MYO1B: variants seen among roughly 807,000 people sequenced by gnomAD.
MYO1B encodes the protein unconventional myosin-Ib.
MYO1B carries 72 observed loss-of-function variants against 159.7 expected under a neutral mutation model. The observed-to-expected ratio is 0.45, with a 90% CI of 0.37 to 0.55. The LOEUF (loss-of-function observed/expected upper bound fraction) is 0.55. MYO1B is among the 20% of genes least tolerant of loss of function. The pLI is 0.00. For missense variants in MYO1B, 1,062 were observed against 1,364.8 expected (o/e 0.78, Z 3.50); for synonymous variants, 468 against 473.8 (o/e 0.99, Z 0.16).
Position 191,402,694 on chromosome 2 carries a change from T to A in MYO1B, c.2532T>A (p.Ile844=), listed in dbSNP as rs1170930408. The change falls in exon 24 of 31, where the codon ATT becomes ATA. Residue 844 remains isoleucine (I), a synonymous_variant. Coordinates refer to ENST00000392318, the MANE Select transcript of MYO1B (RefSeq NM_001130158.3). ...EARRKHAVAV[I]WAYWLGLKVR... ...GGCGTAAGCATGCAGTTGCTGTCAT[T>A]TGGGCTTACTGGCTTGGACTGAAGG... 6.2e-7 allele frequency: 1 copy of A among 1,613,586 alleles called. No homozygotes were observed. Among genetic ancestry groups the A allele is most frequent in the African/African-American group, 1.3e-5 (1 of 75,022 alleles).
At chr2:191,403,907 T>A (rs1696756835) in intron 24 of MYO1B, among the ~76,000 whole-genome samples, 1 of 152,186 alleles carries the variant, frequency 6.6e-6, no homozygotes, top group African/African-American at 2.4e-5. Context: ...TCAAAACATT[T>A]TTGCATTAGG....
At chr2:191,328,769 C>G (rs996365106) in intron 3 of MYO1B, among the ~76,000 whole-genome samples, 18 of 152,166 alleles carry the variant, frequency 1.2e-4, no homozygotes, top group African/African-American at 4.1e-4. Flanking sequence ...CTTCACCCCA[C>G]CTCCATGATG....
chr2:191,398,705 G>T (rs959233398), intron 21 of MYO1B, among the ~76,000 whole-genome samples: 4 of 151,772 alleles, frequency 2.6e-5, no homozygotes, highest in Non-Finnish European at 5.9e-5. Flanking sequence ...TCCTAGATGG[G>T]ATGGCGGCGG....
chr2:191,264,690 G>A (rs1475971903), intron 1 of MYO1B, among the ~76,000 whole-genome samples: 4 of 151,882 alleles, frequency 2.6e-5, no homozygotes, highest in Non-Finnish European at 5.9e-5. Context: ...AGAATAAAGA[G>A]AGCTGCTTTC....
At chr2:191,407,479 T>G (rs1053543332) in intron 24 of MYO1B, among the ~76,000 whole-genome samples, 3 of 152,188 alleles carry the variant, frequency 2.0e-5, no homozygotes, top group Non-Finnish European at 4.4e-5. Flanking sequence ...TTGTTAGACA[T>G]TAGTATATGA....
At chr2:191,278,248 G>A (rs1017591590) in intron 2 of MYO1B, among the ~76,000 whole-genome samples, 1 of 152,160 alleles carries the variant, frequency 6.6e-6, no homozygotes, top group Non-Finnish European at 1.5e-5. Context: ...CACAGATGGC[G>A]CCTTCTAACT....
chr2:191,365,051 T>C (rs887774907), intron 11 of MYO1B, among the ~76,000 whole-genome samples: 4 of 152,216 alleles, frequency 2.6e-5, no homozygotes, highest in Admixed American at 2.6e-4. Context: ...GACACAAATC[T>C]GAGCTGCTGC....
intron 2 of MYO1B, 37 bp downstream of exon 2, chr2:191,277,067 T>G (rs1471485218): frequency 6.3e-7 from 1 of 1,590,860 alleles, no homozygotes; most frequent in East Asian, 2.2e-5. Context: ...ATGTTTAGAC[T>G]TTGTATTTTG....
chr2:191,414,046 A>G lies in MYO1B; in HGVS notation c.2874-2A>G. Reference sequence around the variant, plus strand: ...TAATGTGCAGGAATTTTTTTCCTTTAGTGTTGGGCAACCATTCCAAGGGGC... The same window carrying G: ...TAATGTGCAGGAATTTTTTTCCTTTGGTGTTGGGCAACCATTCCAAGGGGC... On this transcript the variant is annotated splice_acceptor_variant, in intron 27 of 30. Transcript: ENST00000392318. LOFTEE classifies it high-confidence loss of function. 1 of 1,589,500 alleles carries G rather than the reference A, an allele frequency of 6.3e-7. No individual in the cohort carries two copies. The highest frequency in any genetic ancestry group is 8.5e-7 in the Non-Finnish European group (1 of 1,171,536).
At chr2:191,264,956 G>C (rs1331138602) in intron 1 of MYO1B, among the ~76,000 whole-genome samples, 1 of 151,998 alleles carries the variant, frequency 6.6e-6, no homozygotes, top group African/African-American at 2.4e-5. Context: ...TGTGCCCAGT[G>C]TCTCACTGTG....
intron 13 of MYO1B, 61 bp downstream of exon 13, chr2:191,370,353 C>A: frequency 1.7e-6 from 2 of 1,167,610 alleles, no homozygotes; most frequent in East Asian, 4.7e-5. Flanking sequence ...GAAATTAAAT[C>A]CTGTATTATG....
chr2:191,411,640 T>C (rs1697255313), intron 27 of MYO1B, among the ~76,000 whole-genome samples: 1 of 152,216 alleles, frequency 6.6e-6, no homozygotes. Context: ...TGAGTGTTGC[T>C]TGAGCACTGG....
At chr2:191,362,427 G>T in intron 9 of MYO1B, 56 bp downstream of exon 9, 1 of 1,324,634 alleles carries the variant, frequency 7.5e-7, no homozygotes, top group Non-Finnish European at 1.1e-6. Context: ...ATTGCTCAGC[G>T]GGAGCTGGTA....
chr2:191,274,902 T>C (rs573896773), intron 1 of MYO1B, among the ~76,000 whole-genome samples: 7 of 152,176 alleles, frequency 4.6e-5, no homozygotes, highest in Admixed American at 3.9e-4. Context: ...CTGGGACTTT[T>C]CTTTCTTTCT....
intron 20 of MYO1B, among the ~76,000 whole-genome samples, chr2:191,395,258 T>G (rs957058094): frequency 6.6e-6 from 1 of 152,198 alleles, no homozygotes; most frequent in Non-Finnish European, 1.5e-5. Flanking sequence ...TCCTAGAGAT[T>G]TTCCACCTCT....
intron 3 of MYO1B, among the ~76,000 whole-genome samples, chr2:191,327,183 C>G (rs1048322798): frequency 2.0e-5 from 3 of 152,148 alleles, no homozygotes; most frequent in African/African-American, 7.2e-5. Flanking sequence ...GAGCTCACTC[C>G]AGTAGGGACT....
chr2:191,373,155 C>T (rs1694485409), intron 13 of MYO1B, among the ~76,000 whole-genome samples: 1 of 151,978 alleles, frequency 6.6e-6, no homozygotes, highest in South Asian at 2.1e-4. Context: ...GGCCTGGCTG[C>T]CTGTGTTACA....
chr2:191,320,688 A>G (rs1185719157), intron 3 of MYO1B, among the ~76,000 whole-genome samples: 1 of 152,106 alleles, frequency 6.6e-6, no homozygotes, highest in African/African-American at 2.4e-5. Flanking sequence ...TTCGGCCCCC[A>G]CATACCTTTT....
At chr2:191,422,043 A>G (rs892609704) in intron 30 of MYO1B, among the ~76,000 whole-genome samples, 1 of 152,208 alleles carries the variant, frequency 6.6e-6, no homozygotes, top group Non-Finnish European at 1.5e-5. Flanking sequence ...TCATTCTAGC[A>G]GATAATGTTT....
Sources: allele counts gnomAD v4.1 joint callset (sites outside exome capture counted in the v4.1 genomes callset), GRCh38; gene constraint gnomAD v4.1.1; transcripts MANE v1.5; gene names NCBI Gene and HGNC (gene_info 2026-07-23, HGNC 2026-07-21).